The following RYR2 variants were observed in gnomAD, a reference collection of about 807,000 sequenced individuals.
The protein encoded by RYR2 is ryanodine receptor 2, also known as cardiac muscle ryanodine receptor-calcium release channel.
RYR2 carries 227 observed loss-of-function variants against 601.1 expected under a neutral mutation model. The observed-to-expected ratio is 0.38, with a 90% CI of 0.34 to 0.42. The LOEUF is 0.42. Ranked by LOEUF, RYR2 falls within the 10% of genes least tolerant of loss-of-function variation. The pLI, the probability that RYR2 is intolerant of heterozygous loss-of-function variation, is 1.00. For missense variants in RYR2, 4,646 were observed against 6,156.5 expected (o/e 0.75, Z 8.21); for synonymous variants, 2,223 against 2,175.1 (o/e 1.02, Z -0.61).
chr1:237,155,179 CTTTTTTT>C (rs11412062), intron 1 of RYR2, among the ~76,000 whole-genome samples: 3 of 127,632 alleles, frequency 2.4e-5, no homozygotes, highest in African/African-American at 8.7e-5. Context: ...TTTTTCTTTT[CTTTTTTT>C]TTTTTTTTTG....
At chr1:237,709,121 A>C (rs1298635940) in intron 69 of RYR2, 23 bp downstream of exon 69, 7 of 1,530,778 alleles carry the variant, frequency 4.6e-6, no homozygotes, top group Admixed American at 2.2e-5. Flanking sequence ...GTAATTTAGT[A>C]ATTTCTCCAA....
chr1:237,283,565 G>C (rs1215247207), intron 2 of RYR2, among the ~76,000 whole-genome samples: 1 of 152,058 alleles, frequency 6.6e-6, no homozygotes, highest in Non-Finnish European at 1.5e-5. Flanking sequence ...TCCTTATTTA[G>C]GCTAATAATA....
chr1:237,066,664 C>T (rs1204190674), intron 1 of RYR2, among the ~76,000 whole-genome samples: 3 of 150,542 alleles, frequency 2.0e-5, no homozygotes, highest in African/African-American at 4.9e-5. Flanking sequence ...TTCTTCGAGA[C>T]GGAGTCTCGC....
At chr1:237,763,086 A>G (rs1022624041) in intron 84 of RYR2, among the ~76,000 whole-genome samples, 1 of 152,202 alleles carries the variant, frequency 6.6e-6, no homozygotes, top group African/African-American at 2.4e-5. Flanking sequence ...ACATTTACAC[A>G]TCTAGCTTTC....
intron 1 of RYR2, among the ~76,000 whole-genome samples, chr1:237,080,151 C>T (rs1156762828): frequency 1.2e-4 from 3 of 25,234 alleles, no homozygotes; most frequent in East Asian, 1.3e-3. Context: ...AAGATTTAAA[C>T]GTTAAACCTA....
intron 68 of RYR2, 61 bp from the exon 69 acceptor site, chr1:237,708,797 T>G: frequency 7.0e-7 from 1 of 1,421,628 alleles, no homozygotes; most frequent in Non-Finnish European, 9.7e-7. Context: ...GTAATTACAA[T>G]CTATCATCAT....
At chr1:237,075,016 G>A (rs1664832646) in intron 1 of RYR2, among the ~76,000 whole-genome samples, 1 of 152,172 alleles carries the variant, frequency 6.6e-6, no homozygotes, top group Non-Finnish European at 1.5e-5. Flanking sequence ...AGAAAAGGCT[G>A]TGGGAGTCAC....
intron 87 of RYR2, among the ~76,000 whole-genome samples, chr1:237,776,724 T>A (rs1194994648): frequency 6.6e-6 from 1 of 151,590 alleles, no homozygotes; most frequent in Non-Finnish European, 1.5e-5. Context: ...AGAGAGGAGG[T>A]ATGGGGAAGG....
At chr1:237,432,297 C>A (rs4418585) in intron 12 of RYR2, among the ~76,000 whole-genome samples, 130,599 of 152,090 alleles carry the variant, frequency 0.86, 56,592 homozygotes, top group East Asian at 1. Flanking sequence ...TATGCATCTC[C>A]TAATATTTCA....
chr1:237,648,403 T>C, intron 48 of RYR2, 41 bp from the exon 49 acceptor site: 2 of 1,540,904 alleles, frequency 1.3e-6, no homozygotes, highest in Non-Finnish European at 1.8e-6. Flanking sequence ...ATCCTGTATA[T>C]GACACAGCCA....
At chr1:237,629,139 T>G (rs958317153) in intron 41 of RYR2, among the ~76,000 whole-genome samples, 3 of 152,146 alleles carry the variant, frequency 2.0e-5, no homozygotes, top group African/African-American at 7.2e-5. Flanking sequence ...TTTTTTTGAG[T>G]ATACTACTGA....
chr1:237,721,055 T>C (rs1196543791), intron 73 of RYR2, among the ~76,000 whole-genome samples: 1 of 152,210 alleles, frequency 6.6e-6, no homozygotes, highest in Non-Finnish European at 1.5e-5. Flanking sequence ...GGCAGGCATA[T>C]TAATGAGATA....
Position 237,784,071 on chromosome 1 carries a change from A to G in RYR2, c.12359A>G (p.Glu4120Gly). Reference sequence around the variant, plus strand: ...GATACCCGACTTCAGACTTTTCTGGAATTAGCAGAGAGCGTCCTGAATTAT... The same window carrying G: ...GATACCCGACTTCAGACTTTTCTGGGATTAGCAGAGAGCGTCCTGAATTAT... ...PNDTRLQTFL[E>G]LAESVLNYFQ... Residue 4120 changes from glutamate to glycine, a missense_variant, in exon 90 of 105, where the codon GAA becomes GGA. Glu to Gly is a moderately conservative substitution (Grantham distance 98). Around this residue, in one of 17 missense-constraint regions of RYR2, gnomAD observed 70 missense variants for 164.6 expected, o/e 0.43. Transcript: ENST00000366574. This position sits in a 1 kb window ranked among gnomAD's most constrained non-coding sequence, Gnocchi z 7.1. 6.2e-7 allele frequency: 1 copy of G among 1,614,000 alleles called. No individual in the cohort carries two copies. The highest frequency in any genetic ancestry group is 8.5e-7 in the Non-Finnish European group (1 of 1,179,886).
intron 35 of RYR2, among the ~76,000 whole-genome samples, chr1:237,607,268 T>C (rs944301343): frequency 1.3e-5 from 2 of 152,178 alleles, no homozygotes; most frequent in Non-Finnish European, 2.9e-5. Flanking sequence ...GTTCATGTCC[T>C]TTGTAGGGAC....
intron 1 of RYR2, among the ~76,000 whole-genome samples, chr1:237,264,084 T>A (rs1478225434): frequency 9.8e-6 from 1 of 101,716 alleles, no homozygotes; most frequent in East Asian, 2.6e-4. Flanking sequence ...CAAACACACA[T>A]GCACATGCAC....
intron 1 of RYR2, among the ~76,000 whole-genome samples, chr1:237,264,091 G>GCACATGCA (rs1688797841): frequency 6.8e-6 from 1 of 147,412 alleles, no homozygotes; most frequent in South Asian, 2.2e-4. Context: ...ACATGCACAT[G>GCACATGCA]CACACACACA....
intron 96 of RYR2, among the ~76,000 whole-genome samples, chr1:237,795,850 GTATATGTATA>G (rs1558433755): frequency 4.9e-5 from 3 of 61,646 alleles, no homozygotes; most frequent in Non-Finnish European, 1.1e-4. Context: ...ATATATATAT[GTATATGTATA>G]TATATATATA....
intron 80 of RYR2, among the ~76,000 whole-genome samples, chr1:237,748,923 C>T (rs1052851319): frequency 7.9e-5 from 12 of 152,104 alleles, no homozygotes; most frequent in Admixed American, 3.3e-4. Flanking sequence ...ATAACATTTA[C>T]ATTGTGTATT....
At chr1:237,225,292 T>G (rs984849304) in intron 1 of RYR2, among the ~76,000 whole-genome samples, 1 of 152,234 alleles carries the variant, frequency 6.6e-6, no homozygotes, top group Non-Finnish European at 1.5e-5. Context: ...GATGCCCACC[T>G]GTATTCGTCC....
Sources: allele counts gnomAD v4.1 joint callset (sites outside exome capture counted in the v4.1 genomes callset), GRCh38; gene constraint gnomAD v4.1.1; regional missense constraint gnomAD v4.1.1; non-coding constraint Gnocchi (gnomAD v3.1); transcripts MANE v1.5; gene names NCBI Gene and HGNC (gene_info 2026-07-23, HGNC 2026-07-21).